ARHGEF3: variants seen among roughly 807,000 people sequenced by gnomAD.
ARHGEF3 encodes Rho guanine nucleotide exchange factor 3.
In ARHGEF3, 28 loss-of-function variants were observed where a neutral mutation model predicts 63.2. The observed-to-expected ratio is 0.44, with a 90% CI of 0.33 to 0.61. ARHGEF3 has a LOEUF of 0.61. ARHGEF3 is among the 20% of genes least tolerant of loss of function. The pLI is 0.03. For synonymous variants in ARHGEF3, 266 were observed against 254.2 expected (o/e 1.05, Z -0.44); for missense variants, 533 against 659.3 (o/e 0.81, Z 2.10).
intron 4 of ARHGEF3, among the ~76,000 whole-genome samples, chr3:56,849,054 G>A (rs759623170): frequency 9.2e-5 from 14 of 152,150 alleles, no homozygotes; most frequent in South Asian, 4.1e-4. Flanking sequence ...GCAGGTATCC[G>A]CTCTTTATTT....
chr3:56,743,065 C>T (rs2034144896), intron 7 of ARHGEF3, among the ~76,000 whole-genome samples: 1 of 152,160 alleles, frequency 6.6e-6, no homozygotes, highest in African/African-American at 2.4e-5. Flanking sequence ...AGACCACACA[C>T]TTGCTGGGAT....
intron 3 of ARHGEF3, among the ~76,000 whole-genome samples, chr3:56,906,876 A>AGTTAAAATGTACT (rs1560039621): frequency 6.6e-6 from 1 of 151,106 alleles, no homozygotes; most frequent in Non-Finnish European, 1.5e-5. Context: ...AAATATACTG[A>AGTTAAAATGTACT]GTTAAAATGT....
intron 4 of ARHGEF3, among the ~76,000 whole-genome samples, chr3:56,822,584 G>A (rs906184446): frequency 7.2e-5 from 11 of 152,062 alleles, no homozygotes; most frequent in African/African-American, 2.2e-4. Flanking sequence ...GTTGTGGCCG[G>A]GTGCAGTGAT....
intron 1 of ARHGEF3, among the ~76,000 whole-genome samples, chr3:56,785,905 C>T (rs1275251386): frequency 6.6e-6 from 1 of 152,206 alleles, no homozygotes; most frequent in Non-Finnish European, 1.5e-5. Flanking sequence ...ATCCCCTTCT[C>T]TTGATGTCTA....
At chr3:56,758,185 G>A (rs1266779141) in intron 2 of ARHGEF3, among the ~76,000 whole-genome samples, 2 of 151,668 alleles carry the variant, frequency 1.3e-5, no homozygotes, top group African/African-American at 2.4e-5. Context: ...GGAAGCTGAG[G>A]CAGAAGAATT....
At chr3:57,021,863 G>A (rs1461433850) in intron 2 of ARHGEF3, among the ~76,000 whole-genome samples, 4 of 152,060 alleles carry the variant, frequency 2.6e-5, no homozygotes, top group Non-Finnish European at 4.4e-5. Context: ...ATTTGCAGAT[G>A]ATACAATTAT....
chr3:57,008,524 T>A (rs1702557613), intron 2 of ARHGEF3, among the ~76,000 whole-genome samples: 2 of 152,022 alleles, frequency 1.3e-5, no homozygotes, highest in South Asian at 4.2e-4. Context: ...TTACCCAGGC[T>A]GGAGCGCAGT....
intron 1 of ARHGEF3, among the ~76,000 whole-genome samples, chr3:56,792,763 T>G (rs17216768): frequency 1.3e-5 from 2 of 152,030 alleles, no homozygotes; most frequent in South Asian, 4.1e-4. Flanking sequence ...CGCCCAAAGA[T>G]CTGAACAATT....
chr3:56,945,857 A>G (rs971356569), intron 3 of ARHGEF3, among the ~76,000 whole-genome samples: 1 of 152,032 alleles, frequency 6.6e-6, no homozygotes, highest in Non-Finnish European at 1.5e-5. Flanking sequence ...CCCCCGAGTA[A>G]CCTAACTGGG....
intron 2 of ARHGEF3, among the ~76,000 whole-genome samples, chr3:57,021,153 C>A (rs1270094445): frequency 1.3e-5 from 2 of 152,268 alleles, no homozygotes; most frequent in East Asian, 3.9e-4. Context: ...ACATAGACAC[C>A]TGTGGTTCAC....
intron 2 of ARHGEF3, among the ~76,000 whole-genome samples, chr3:56,976,313 G>A (rs1038883296): frequency 6.6e-6 from 1 of 152,140 alleles, no homozygotes; most frequent in Non-Finnish European, 1.5e-5. Flanking sequence ...AGAGTGCTGG[G>A]ATTACAGGTG....
At chr3:56,911,288 A>C in intron 3 of ARHGEF3, among the ~76,000 whole-genome samples, 1 of 152,156 alleles carries the variant, frequency 6.6e-6, no homozygotes, top group East Asian at 1.9e-4. Flanking sequence ...AGGATCTGTC[A>C]TGGGTTATTT....
At chr3:56,876,947 C>G (rs4681709) in intron 4 of ARHGEF3, among the ~76,000 whole-genome samples, 144,027 of 152,284 alleles carry the variant, frequency 0.95, 68,629 homozygotes, top group East Asian at 1. Flanking sequence ...GTCATGCAGT[C>G]GGAAGAGAGA....
intron 4 of ARHGEF3, among the ~76,000 whole-genome samples, chr3:56,818,415 G>C (rs1275056581): frequency 6.6e-6 from 1 of 152,132 alleles, no homozygotes; most frequent in African/African-American, 2.4e-5. Context: ...TCTGGAGTGA[G>C]GGGGCTGGTG....
At chr3:56,911,145 C>T (rs1429745780) in intron 3 of ARHGEF3, among the ~76,000 whole-genome samples, 1 of 152,082 alleles carries the variant, frequency 6.6e-6, no homozygotes, top group African/African-American at 2.4e-5. Flanking sequence ...CCAGTGCTCT[C>T]GTCCCTCCAC....
intron 4 of ARHGEF3, among the ~76,000 whole-genome samples, chr3:56,827,080 G>A (rs980821377): frequency 6.6e-6 from 1 of 152,092 alleles, no homozygotes; most frequent in African/African-American, 2.4e-5. Flanking sequence ...AAGTCCGGAA[G>A]CCAGAAAAGA....
At chr3:56,967,895 A>AT (rs1700647748) in intron 2 of ARHGEF3, among the ~76,000 whole-genome samples, 1 of 76,456 alleles carries the variant, frequency 1.3e-5, no homozygotes, top group South Asian at 4.1e-4. Flanking sequence ...TATATAATAT[A>AT]TAAATAATAT....
At chr3:56,944,041 T>C (rs1002597948) in intron 3 of ARHGEF3, among the ~76,000 whole-genome samples, 3 of 151,978 alleles carry the variant, frequency 2.0e-5, no homozygotes, top group Admixed American at 6.6e-5. Context: ...CCAGGCATGA[T>C]GGCGGGCGCC....
intron 2 of ARHGEF3, among the ~76,000 whole-genome samples, chr3:56,994,507 G>C (rs562936781): frequency 2.0e-5 from 3 of 152,182 alleles, no homozygotes; most frequent in Admixed American, 1.3e-4. Flanking sequence ...TCGCCAGAAA[G>C]GGAAAAGAGT....
Sources: gnomAD v4.1 joint callset for allele counts (sites outside exome capture counted in the v4.1 genomes callset) on GRCh38, gnomAD v4.1.1 for gene constraint, MANE v1.5 for transcripts, NCBI Gene and HGNC (gene_info 2026-07-23, HGNC 2026-07-21) for gene names.